BCKDHB: variants seen among roughly 807,000 people sequenced by gnomAD.
The protein encoded by BCKDHB is branched chain keto acid dehydrogenase E1 subunit beta, also known as 2-oxoisovalerate dehydrogenase subunit beta, mitochondrial.
In BCKDHB, 41 loss-of-function variants were observed where a neutral mutation model predicts 48.5. That is an observed-to-expected ratio of 0.85 (90% CI 0.66 to 1.10). BCKDHB has a LOEUF of 1.10. Ranked by LOEUF, BCKDHB falls within the 50% of genes least tolerant of loss-of-function variation. The pLI is 0.00. For synonymous variants in BCKDHB, 201 were observed against 174.8 expected (o/e 1.15, Z -1.18); for missense variants, 496 against 494.2 (o/e 1.00, Z -0.03).
chr6:80,358,973 A>G, the BCKDHB span, among the ~76,000 whole-genome samples: 4 of 152,176 alleles, frequency 2.6e-5, no homozygotes, highest in African/African-American at 9.7e-5. Flanking sequence ...CAGCAAATCA[A>G]TCACTCTGAG....
chr6:80,256,343 C>T (rs1033872468), intron 8 of BCKDHB, among the ~76,000 whole-genome samples: 1 of 152,144 alleles, frequency 6.6e-6, no homozygotes, highest in African/African-American at 2.4e-5. Flanking sequence ...TATGGTATAG[C>T]CTACTGCTCC....
At chr6:80,186,620 A>T (rs183497681) in intron 6 of BCKDHB, among the ~76,000 whole-genome samples, 16 of 152,186 alleles carry the variant, frequency 1.1e-4, no homozygotes, top group Non-Finnish European at 1.5e-4. Flanking sequence ...GACTCTGCTC[A>T]GGAAAATTTG....
intron 9 of BCKDHB, among the ~76,000 whole-genome samples, chr6:80,295,064 A>G (rs1336916350): frequency 6.6e-6 from 1 of 152,122 alleles, no homozygotes; most frequent in African/African-American, 2.4e-5. Flanking sequence ...TCCTACCGAT[A>G]TGTGATGTCA....
intron 6 of BCKDHB, among the ~76,000 whole-genome samples, chr6:80,184,246 G>C (rs1030098033): frequency 5.9e-5 from 9 of 151,996 alleles, no homozygotes; most frequent in Admixed American, 2.6e-4. Context: ...AGTCTGTTTT[G>C]TCTGAGAATA....
the BCKDHB span, among the ~76,000 whole-genome samples, chr6:80,372,277 G>T: frequency 3.3e-5 from 5 of 152,066 alleles, no homozygotes; most frequent in South Asian, 2.1e-4. Context: ...GTCACTGTTG[G>T]TGTATAGCAG....
chr6:80,197,155 G>A lies in BCKDHB; in HGVS notation c.743-3779G>A, dbSNP rs148675020. ...AACTCCTGTCACCTGCTCTCTTCTA[G>A]AAAGCACATAGCCGTGGGGTAGGAA... On this transcript the variant is annotated intron_variant, in intron 6 of 9. Coordinates refer to ENST00000320393, the MANE Select transcript of BCKDHB (RefSeq NM_183050.4). Among the ~76,000 whole-genome samples the A allele has an allele frequency of 6.4e-3, 974 of 152,224 alleles. 6 individuals carry two copies. The highest frequency in any genetic ancestry group is 0.026 in the South Asian group (124 of 4,830).
the BCKDHB span, among the ~76,000 whole-genome samples, chr6:80,354,398 T>G: frequency 6.6e-6 from 1 of 152,102 alleles, no homozygotes; most frequent in East Asian, 1.9e-4. Context: ...CAGCTAATTT[T>G]TTTGTATTTT....
rs146648061 is a variant in BCKDHB at position 80,115,375 on chromosome 6, T to A, written c.196+8486T>A. Among the ~76,000 whole-genome samples, 168 of 152,322 alleles carry A rather than the reference T, an allele frequency of 1.1e-3. 2 individuals carry two copies. Among genetic ancestry groups the A allele is most frequent in the African/African-American group, 3.9e-3 (161 of 41,574 alleles). On this transcript the variant is annotated intron_variant, in intron 1 of 9. Transcript: ENST00000320393. ...TTTGGGTTCTCCCTCAGTCTTATTT[T>A]ATGAAGTAGATGCTGGCTAACTCTT...
At position 80,159,616 on chromosome 6, in the gene BCKDHB, C is replaced by A. The variant is rs111405828; in HGVS notation, c.344-8062C>A. 8.5e-4 allele frequency among the ~76,000 whole-genome samples: 129 copies of A among 152,200 alleles called. 1 individual carries two copies. Among genetic ancestry groups the A allele is most frequent in the African/African-American group, 3.1e-3 (127 of 41,542 alleles). On this transcript the variant is annotated intron_variant, in intron 3 of 9. Coordinates refer to ENST00000320393, the MANE Select transcript of BCKDHB (RefSeq NM_183050.4). Reference sequence around the variant, plus strand: ...GCTTTAGTTGACCCTAAAACAAATGCGTTTTATCTTTATCAAATTTTTCAT... The same window carrying A: ...GCTTTAGTTGACCCTAAAACAAATGAGTTTTATCTTTATCAAATTTTTCAT...
intron 8 of BCKDHB, among the ~76,000 whole-genome samples, chr6:80,227,130 TAAAC>T (rs948340828): frequency 6.6e-6 from 1 of 152,238 alleles, no homozygotes; most frequent in African/African-American, 2.4e-5. Context: ...TACAGTAAAT[TAAAC>T]AAAATACTCT....
intron 9 of BCKDHB, among the ~76,000 whole-genome samples, chr6:80,283,961 A>G (rs1313561178): frequency 1.3e-5 from 2 of 152,140 alleles, no homozygotes; most frequent in African/African-American, 4.8e-5. Context: ...TTGCCAAGAA[A>G]TGTTAGCCAT....
intron 1 of BCKDHB, among the ~76,000 whole-genome samples, chr6:80,107,232 G>T (rs934512499): frequency 6.6e-6 from 1 of 150,400 alleles, no homozygotes. Flanking sequence ...CCAGGCCTTA[G>T]GTGTTGTTCC....
downstream of BCKDHB, among the ~76,000 whole-genome samples, chr6:80,350,745 G>T (rs1351170561): frequency 3.9e-5 from 6 of 152,154 alleles, no homozygotes; most frequent in East Asian, 1.9e-4. Flanking sequence ...TGGCTATAAA[G>T]AATTAGAATA....
chr6:80,302,763 T>C (rs1228321728), intron 9 of BCKDHB, among the ~76,000 whole-genome samples: 2 of 152,292 alleles, frequency 1.3e-5, no homozygotes, highest in Admixed American at 6.5e-5. Flanking sequence ...GATTTGTTGT[T>C]TTGTCCCATT....
In BCKDHB at chr6:80,111,653, G is replaced by T. The variant is rs572692221; in HGVS notation, c.196+4764G>T. ...ATTCCAAATAAATAGAACACATGAT[G>T]ACTTGTTGGAAATTCGCAGGAAACA... On this transcript the variant is annotated intron_variant, in intron 1 of 9. Coordinates refer to ENST00000320393, the MANE Select transcript of BCKDHB (RefSeq NM_183050.4). 7.2e-5 allele frequency among the ~76,000 whole-genome samples: 11 copies of T among 152,214 alleles called. 1 individual carries two copies. In the South Asian group the frequency reaches 2.3e-3, roughly 32 times the overall value.
At chr6:80,349,851 A>G (rs932989044), downstream of BCKDHB, among the ~76,000 whole-genome samples, 1 of 152,166 alleles carries the variant, frequency 6.6e-6, no homozygotes, top group African/African-American at 2.4e-5. Context: ...TTTACTTGCA[A>G]TTTGATAGAT....
At chr6:80,308,674 A>G (rs538614270) in intron 9 of BCKDHB, among the ~76,000 whole-genome samples, 1 of 149,798 alleles carries the variant, frequency 6.7e-6, no homozygotes, top group African/African-American at 2.5e-5. Flanking sequence ...GGCTCACTGC[A>G]AGCTCCGCCT....
At chr6:80,382,011 C>T in the BCKDHB span, among the ~76,000 whole-genome samples, 5 of 151,972 alleles carry the variant, frequency 3.3e-5, no homozygotes, top group East Asian at 3.9e-4. Flanking sequence ...AAATTGGAAC[C>T]GAGGTAGTAA....
chr6:80,213,521 A>G (rs1351858302), intron 8 of BCKDHB, among the ~76,000 whole-genome samples: 1 of 152,148 alleles, frequency 6.6e-6, no homozygotes, highest in African/African-American at 2.4e-5. Flanking sequence ...TAGCCATCAC[A>G]GCCACTGTGC....
Sources: allele counts gnomAD v4.1 joint callset (sites outside exome capture counted in the v4.1 genomes callset), GRCh38; gene constraint gnomAD v4.1.1; transcripts MANE v1.5; gene names NCBI Gene and HGNC (gene_info 2026-07-23, HGNC 2026-07-21).